The following TLR2 variants were observed in gnomAD, a reference collection of about 807,000 sequenced individuals.
The protein encoded by TLR2 is toll like receptor 2, also known as toll-like receptor 2.
A neutral mutation model predicts 9.1 loss-of-function variants in TLR2; 7 were observed. The observed-to-expected ratio is 0.77, with a 90% CI of 0.44 to 1.44. The LOEUF is 1.44. Ranked by LOEUF, TLR2 falls within the 40% of genes most tolerant of loss-of-function variation. The probability of loss-of-function intolerance (pLI) is 0.01; values close to 1 mark genes in which losing one functional copy is unlikely to be tolerated. For missense variants in TLR2, 812 were observed against 904.6 expected (o/e 0.90, Z 1.31); for synonymous variants, 317 against 344.6 (o/e 0.92, Z 0.89).
At chr4:153,694,268 C>T (rs528350478) in intron 2 of TLR2, among the ~76,000 whole-genome samples, 1 of 152,338 alleles carries the variant, frequency 6.6e-6, no homozygotes, top group South Asian at 2.1e-4. Context: ...GGTTTTCCAT[C>T]TTGGGTGGAC....
At position 153,704,549 on chromosome 4, in the gene TLR2, C is replaced by T. The variant is rs1737183578; in HGVS notation, c.1642C>T (p.Gln548Ter). ...SCEFLSFTQE[Q>*]QALAKVLIDW... ...TGAATTCCTCTCCTTCACTCAGGAGCAGCAAGCACTGGCCAAAGTCTTGAT... is the reference window on the plus strand; with the variant it reads ...TGAATTCCTCTCCTTCACTCAGGAGTAGCAAGCACTGGCCAAAGTCTTGAT... Residue 548 changes from glutamine to a stop codon, truncating the protein, a stop_gained, in exon 3 of 3, where the codon CAG becomes TAG. Coordinates refer to ENST00000642700, the MANE Select transcript of TLR2 (RefSeq NM_001318789.2). LOFTEE classifies it low-confidence loss of function (END_TRUNC). 1 of 1,613,854 alleles carries T rather than the reference C, an allele frequency of 6.2e-7. No individual in the cohort carries two copies. Among genetic ancestry groups the T allele is most frequent in the African/African-American group, 1.3e-5 (1 of 74,870 alleles).
chr4:153,696,009 CTCTAT>C (rs1442406094), intron 2 of TLR2, among the ~76,000 whole-genome samples: 1 of 151,946 alleles, frequency 6.6e-6, no homozygotes, highest in Non-Finnish European at 1.5e-5. Flanking sequence ...TTTCTGGGTT[CTCTAT>C]TCTGTTCTGT....
chr4:153,691,985 A>C (rs774542801), intron 2 of TLR2, among the ~76,000 whole-genome samples: 29 of 152,210 alleles, frequency 1.9e-4, no homozygotes, highest in Admixed American at 1.2e-3. Context: ...CCATATAATG[A>C]ATAATGTAAC....
At chr4:153,691,244 AT>A (rs1397039755) in intron 2 of TLR2, among the ~76,000 whole-genome samples, 3 of 152,244 alleles carry the variant, frequency 2.0e-5, no homozygotes, top group Non-Finnish European at 4.4e-5. Flanking sequence ...AATTGAAATA[AT>A]TTCATTTTAG....
At chr4:153,697,149 T>G (rs1736562737) in intron 2 of TLR2, among the ~76,000 whole-genome samples, 2 of 152,150 alleles carry the variant, frequency 1.3e-5, no homozygotes, top group African/African-American at 4.8e-5. Flanking sequence ...GAATTTTATA[T>G]GTGATCAAAC....
chr4:153,707,949 CACAT>C (rs1221144184), downstream of TLR2, among the ~76,000 whole-genome samples: 2 of 152,300 alleles, frequency 1.3e-5, no homozygotes, highest in East Asian at 3.9e-4. Context: ...GCAACACCCT[CACAT>C]ACACACCAGA....
intron 2 of TLR2, among the ~76,000 whole-genome samples, chr4:153,695,496 T>C (rs975958065): frequency 1.3e-5 from 2 of 152,252 alleles, no homozygotes; most frequent in Non-Finnish European, 2.9e-5. Flanking sequence ...TCTATTTAGA[T>C]CTTTTGCCCA....
At chr4:153,710,022 T>A (rs1277328363), downstream of TLR2, 4 of 171,484 alleles carry the variant, frequency 2.3e-5, no homozygotes, top group Non-Finnish European at 5.0e-5. Flanking sequence ...GTATTAGCTA[T>A]GGCTAAATGT....
chr4:153,690,244 G>T (rs1213567848), intron 2 of TLR2, among the ~76,000 whole-genome samples: 2 of 152,200 alleles, frequency 1.3e-5, no homozygotes, highest in African/African-American at 4.8e-5. Context: ...AGTCATTAAT[G>T]CTAGATTCAG....
intron 2 of TLR2, among the ~76,000 whole-genome samples, chr4:153,700,281 G>C (rs1736795311): frequency 6.6e-6 from 1 of 152,154 alleles, no homozygotes; most frequent in South Asian, 2.1e-4. Flanking sequence ...GAGATTTGGA[G>C]AGGACAAACA....
At position 153,705,258 on chromosome 4, in the gene TLR2, C is replaced by T. The variant is rs148937054; in HGVS notation, c.2351C>T (p.Ser784Phe). 23 of 1,561,242 alleles carry T rather than the reference C, an allele frequency of 1.5e-5. No homozygotes were observed. The African/African-American group carries it at 2.2e-4, about 15-fold the overall frequency. ...GTAAATCTGAGAGCTGCGATAAAGT[C>T]CTAGGTTCCCATATTTAAGACCAGT... ...FWVNLRAAIK[S>F] The change falls in exon 3 of 3, where the codon TCC (serine) becomes TTC (phenylalanine). Residue 784 changes from serine to phenylalanine, a missense_variant. Ser to Phe is a radical substitution (Grantham distance 155, BLOSUM62 -2). Coordinates refer to ENST00000642700, the MANE Select transcript of TLR2 (RefSeq NM_001318789.2).
intron 1 of TLR2, among the ~76,000 whole-genome samples, chr4:153,684,791 C>T (rs937259025): frequency 6.6e-6 from 1 of 152,136 alleles, no homozygotes; most frequent in Admixed American, 6.5e-5. Flanking sequence ...CCTCTGGCCG[C>T]CACCTCCCTC....
In TLR2 at chr4:153,704,187, C is replaced by T. The variant is rs187171892; in HGVS notation, c.1280C>T (p.Ser427Phe). ...NIDISKNSFH[S>F]MPETCQWPEK... is the part of the protein sequence containing the mutation. ...GATATCAGTAAGAATAGTTTTCATT[C>T]TATGCCTGAAACTTGTCAGTGGCCA... The change falls in exon 3 of 3, where the codon TCT becomes TTT. Residue 427 changes from serine to phenylalanine, a missense_variant. Coordinates refer to ENST00000642700, the MANE Select transcript of TLR2 (RefSeq NM_001318789.2). 70 of 1,614,078 alleles carry T rather than the reference C, an allele frequency of 4.3e-5. No homozygotes were observed. The Admixed American group carries it at 1.1e-3, about 27-fold the overall frequency.
chr4:153,685,396 G>T (rs1735634005), intron 1 of TLR2, among the ~76,000 whole-genome samples: 1 of 152,168 alleles, frequency 6.6e-6, no homozygotes, highest in Non-Finnish European at 1.5e-5. Flanking sequence ...TAATCTGGGT[G>T]TAGACAACTC....
downstream of TLR2, among the ~76,000 whole-genome samples, chr4:153,708,681 C>T (rs1191876407): frequency 1.3e-5 from 2 of 152,166 alleles, no homozygotes; most frequent in Non-Finnish European, 2.9e-5. Flanking sequence ...AGGCAAGGTC[C>T]AGCACAGAAG....
At chr4:153,691,576 T>C (rs1399215077) in intron 2 of TLR2, among the ~76,000 whole-genome samples, 1 of 152,164 alleles carries the variant, frequency 6.6e-6, no homozygotes, top group Admixed American at 6.5e-5. Flanking sequence ...ATCTATTCTA[T>C]TTATTTGAGA....
intron 1 of TLR2, among the ~76,000 whole-genome samples, chr4:153,686,878 C>T (rs1163106055): frequency 6.6e-6 from 1 of 152,118 alleles, no homozygotes; most frequent in Non-Finnish European, 1.5e-5. Context: ...GGAACCTATA[C>T]TACTTCCAAC....
chr4:153,692,250 T>C (rs1024310957), intron 2 of TLR2, among the ~76,000 whole-genome samples: 1 of 152,210 alleles, frequency 6.6e-6, no homozygotes, highest in African/African-American at 2.4e-5. Flanking sequence ...AAGAAGGCAG[T>C]CCCGGCTGCA....
In TLR2 at chr4:153,704,431, G is replaced by A; in HGVS notation, c.1524G>A (p.Arg508=). 1 of 1,614,118 alleles carries A rather than the reference G, an allele frequency of 6.2e-7. No individual in the cohort carries two copies. The highest frequency in any genetic ancestry group is 8.5e-7 in the Non-Finnish European group (1 of 1,180,006). ...TGTTACTAGTATTGAAAATCAGTAG[G>A]AATGCAATAACTACGTTTTCTAAGG... ...LPMLLVLKIS[R]NAITTFSKEQ... is the part of the protein sequence containing the mutation. Residue 508 remains arginine (R), a synonymous_variant, in exon 3 of 3, where the codon AGG becomes AGA. Coordinates refer to ENST00000642700, the MANE Select transcript of TLR2 (RefSeq NM_001318789.2).
Sources: gnomAD v4.1 joint callset for allele counts (sites outside exome capture counted in the v4.1 genomes callset) on GRCh38, gnomAD v4.1.1 for gene constraint, MANE v1.5 for transcripts, NCBI Gene and HGNC (gene_info 2026-07-23, HGNC 2026-07-21) for gene names.